MIPEP: variants seen among roughly 807,000 people sequenced by gnomAD.
MIPEP encodes mitochondrial intermediate peptidase.
A neutral mutation model predicts 90.3 loss-of-function variants in MIPEP; 79 were observed. The ratio of observed to expected loss-of-function variants is 0.87; its 90% CI spans 0.73 to 1.05. MIPEP has a LOEUF of 1.05. Among genes scored for constraint, MIPEP ranks in the 50% least tolerant of loss-of-function variants. MIPEP has a pLI of 0.00. For synonymous variants in MIPEP, 334 were observed against 315.8 expected (o/e 1.06, Z -0.61); for missense variants, 940 against 905.6 (o/e 1.04, Z -0.49).
intron 18 of MIPEP, among the ~76,000 whole-genome samples, chr13:23,752,899 C>T (rs1274613924): frequency 6.6e-6 from 1 of 152,100 alleles, no homozygotes; most frequent in Non-Finnish European, 1.5e-5. Flanking sequence ...ACCCCACCCC[C>T]TTCAGAGATT....
intron 16 of MIPEP, among the ~76,000 whole-genome samples, chr13:23,779,913 G>C (rs2137359411): frequency 6.6e-6 from 1 of 152,346 alleles, no homozygotes; most frequent in South Asian, 2.1e-4. Context: ...CTGGGGGAGG[G>C]GCGCCCACCA....
chr13:23,837,509 T>C (rs754029467), intron 13 of MIPEP, 43 bp downstream of exon 13: 1 of 1,408,578 alleles, frequency 7.1e-7, no homozygotes, highest in Non-Finnish European at 1.0e-6. Context: ...AAATGTATGT[T>C]TGTAAAGGAC....
chr13:23,877,712 TACAAG>T (rs1268484104), intron 4 of MIPEP, among the ~76,000 whole-genome samples: 7 of 152,242 alleles, frequency 4.6e-5, no homozygotes, highest in African/African-American at 1.7e-4. Context: ...TACATTAACT[TACAAG>T]ACTTTATTAA....
chr13:23,784,275 G>T (rs1180104872), intron 16 of MIPEP, among the ~76,000 whole-genome samples: 2 of 152,120 alleles, frequency 1.3e-5, no homozygotes, highest in Non-Finnish European at 2.9e-5. Context: ...GCATGGTACT[G>T]GTACCAAAAC....
chr13:23,801,175 T>A (rs1414466149), intron 16 of MIPEP, among the ~76,000 whole-genome samples: 1 of 152,234 alleles, frequency 6.6e-6, no homozygotes, highest in Admixed American at 6.5e-5. Flanking sequence ...ACACTGTCAC[T>A]CTTTGGCCCG....
intron 1 of MIPEP, among the ~76,000 whole-genome samples, chr13:23,886,832 A>AATATATATAT (rs3077102): frequency 6.7e-6 from 1 of 149,552 alleles, no homozygotes; most frequent in Admixed American, 6.7e-5. Flanking sequence ...CATATATGTA[A>AATATATATAT]ATATATATAT....
At chr13:23,767,204 C>A (rs1258963436) in intron 16 of MIPEP, among the ~76,000 whole-genome samples, 3 of 152,172 alleles carry the variant, frequency 2.0e-5, no homozygotes, top group Non-Finnish European at 4.4e-5. Flanking sequence ...TTGTGTGACC[C>A]CCAGGCACAG....
chr13:23,815,155 G>C (rs1231091170), intron 14 of MIPEP, among the ~76,000 whole-genome samples: 1 of 152,066 alleles, frequency 6.6e-6, no homozygotes, highest in Non-Finnish European at 1.5e-5. Context: ...TGACTTTGAC[G>C]AACTTTATTT....
intron 12 of MIPEP, 38 bp downstream of exon 12, chr13:23,839,609 GAT>G: frequency 2.3e-6 from 3 of 1,331,386 alleles, no homozygotes; most frequent in Non-Finnish European, 2.1e-6. Flanking sequence ...ATGAAATGCC[GAT>G]CGGTTCTAGA....
chr13:23,869,514 C>G, intron 6 of MIPEP, 66 bp from the exon 7 acceptor site: 1 of 1,373,250 alleles, frequency 7.3e-7, no homozygotes, highest in South Asian at 1.6e-5. Flanking sequence ...AACAATAACA[C>G]AGGCTCATGC....
chr13:23,820,177 G>A (rs1181564594), intron 14 of MIPEP, among the ~76,000 whole-genome samples: 1 of 152,190 alleles, frequency 6.6e-6, no homozygotes, highest in East Asian at 1.9e-4. Context: ...ATCCAGTTGA[G>A]TGAAGTTACT....
chr13:23,839,196 C>T (rs1182922209), intron 12 of MIPEP, among the ~76,000 whole-genome samples: 1 of 152,252 alleles, frequency 6.6e-6, no homozygotes, highest in East Asian at 1.9e-4. Context: ...GGTTCATTGT[C>T]GAGTATGGAA....
chr13:23,881,850 AGG>A, intron 2 of MIPEP, 63 bp from the exon 3 acceptor site: 1 of 1,341,434 alleles, frequency 7.5e-7, no homozygotes, highest in East Asian at 2.4e-5. Flanking sequence ...CCAGGATCTG[AGG>A]GTGAAAATGA....
chr13:23,846,907 A>G (rs1216583392), intron 10 of MIPEP, among the ~76,000 whole-genome samples: 1 of 152,196 alleles, frequency 6.6e-6, no homozygotes, highest in Non-Finnish European at 1.5e-5. Context: ...CCCTTTATAC[A>G]TATCTCATTT....
intron 16 of MIPEP, among the ~76,000 whole-genome samples, chr13:23,778,403 A>C (rs1292432937): frequency 6.6e-6 from 1 of 152,186 alleles, no homozygotes; most frequent in Non-Finnish European, 1.5e-5. Flanking sequence ...ATTAATAATC[A>C]CATATGGTCA....
intron 16 of MIPEP, among the ~76,000 whole-genome samples, chr13:23,785,101 A>T (rs1368996346): frequency 2.0e-5 from 3 of 152,012 alleles, no homozygotes; most frequent in Non-Finnish European, 4.4e-5. Context: ...AAGATCTAGA[A>T]CTAGAAATAC....
chr13:23,785,472 T>C (rs1226342066), intron 16 of MIPEP, among the ~76,000 whole-genome samples: 2 of 116,160 alleles, frequency 1.7e-5, no homozygotes, highest in Non-Finnish European at 3.5e-5. Context: ...CCGGGGCCTG[T>C]CTTGGGGTTG....
intron 14 of MIPEP, among the ~76,000 whole-genome samples, chr13:23,815,783 C>A (rs1953226668): frequency 1.3e-5 from 2 of 152,182 alleles, no homozygotes; most frequent in South Asian, 4.1e-4. Flanking sequence ...CTATTAATAT[C>A]TTCGATATTT....
chr13:23,786,369 T>A (rs1286743430), intron 16 of MIPEP, among the ~76,000 whole-genome samples: 3 of 152,112 alleles, frequency 2.0e-5, no homozygotes, highest in Non-Finnish European at 4.4e-5. Flanking sequence ...TAATCTTAGA[T>A]AAGAAGTTCT....
Sources: allele counts gnomAD v4.1 joint callset (sites outside exome capture counted in the v4.1 genomes callset), GRCh38; gene constraint gnomAD v4.1.1; transcripts MANE v1.5; gene names NCBI Gene and HGNC (gene_info 2026-07-23, HGNC 2026-07-21).